Variants in DISC1 observed in about 807,000 individuals in gnomAD.
DISC1 encodes the protein DISC1 scaffold protein.
A neutral mutation model predicts 84.5 loss-of-function variants in DISC1; 57 were observed. The ratio of observed to expected loss-of-function variants is 0.67; its 90% CI spans 0.55 to 0.84. The LOEUF is 0.84. Ranked by LOEUF, DISC1 falls within the 40% of genes least tolerant of loss-of-function variation. The pLI, the probability that DISC1 is intolerant of heterozygous loss-of-function variation, is 0.00. For synonymous variants in DISC1, 411 were observed against 415.2 expected, an observed-to-expected ratio of 0.99 and a Z score of 0.12; for missense variants, 1,000 against 1,057.8, an observed-to-expected ratio of 0.95 and a Z score of 0.76.
At chr1:231,709,285 T>C (rs1347685427) in intron 3 of DISC1, among the ~76,000 whole-genome samples, 5 of 152,208 alleles carry the variant, frequency 3.3e-5, no homozygotes, top group Non-Finnish European at 7.3e-5. Flanking sequence ...AGATTTTAGC[T>C]TTGTGCACAG....
At chr1:231,769,033 T>TG (rs2076366147) in intron 5 of DISC1, among the ~76,000 whole-genome samples, 1 of 152,042 alleles carries the variant, frequency 6.6e-6, no homozygotes, top group Non-Finnish European at 1.5e-5. Flanking sequence ...GGGGAGGATT[T>TG]GGGGAGGAAG....
At chr1:231,766,027 C>T (rs2076145332) in intron 4 of DISC1, among the ~76,000 whole-genome samples, 1 of 152,070 alleles carries the variant, frequency 6.6e-6, no homozygotes, top group African/African-American at 2.4e-5. Flanking sequence ...CGATGACTCA[C>T]ACCTGTAATC....
chr1:231,713,843 TATATATATATATAGGAG>T (rs1304246617), intron 3 of DISC1, among the ~76,000 whole-genome samples: 13 of 126,848 alleles, frequency 1.0e-4, no homozygotes, highest in Middle Eastern at 3.9e-3. Flanking sequence ...ATATAGGAGA[TATATATATATATAGGAG>T]ATATATATAT....
At chr1:231,895,170 T>C (rs926095861) in intron 9 of DISC1, among the ~76,000 whole-genome samples, 2 of 151,904 alleles carry the variant, frequency 1.3e-5, no homozygotes, top group African/African-American at 4.8e-5. Flanking sequence ...TTTTGAATTA[T>C]TGTTATCCCA....
chr1:231,948,469 C>T (rs528552101), intron 9 of DISC1, among the ~76,000 whole-genome samples: 8 of 151,790 alleles, frequency 5.3e-5, no homozygotes, highest in African/African-American at 1.5e-4. Context: ...GTGGGGGGCT[C>T]GGGAAGGGAT....
intron 6 of DISC1, among the ~76,000 whole-genome samples, chr1:231,780,487 A>C (rs1417617035): frequency 1.6e-4 from 24 of 148,314 alleles, no homozygotes; most frequent in African/African-American, 5.5e-4. Flanking sequence ...TTAGAATGGC[A>C]ATCATTAAAA....
At chr1:231,717,995 C>T (rs1476093236) in intron 3 of DISC1, among the ~76,000 whole-genome samples, 2 of 152,178 alleles carry the variant, frequency 1.3e-5, no homozygotes, top group Admixed American at 1.3e-4. Context: ...GCCATATCCC[C>T]TATTACAATG....
At chr1:231,776,546 G>C (rs889428110) in intron 6 of DISC1, among the ~76,000 whole-genome samples, 1 of 152,176 alleles carries the variant, frequency 6.6e-6, no homozygotes, top group Non-Finnish European at 1.5e-5. Context: ...GTGGAGAGGA[G>C]CCAGGCCTTC....
chr1:231,975,606 GA>G (rs1159578696), intron 10 of DISC1, among the ~76,000 whole-genome samples: 1 of 152,118 alleles, frequency 6.6e-6, no homozygotes, highest in African/African-American at 2.4e-5. Context: ...TATACACAAT[GA>G]AATACATAAA....
intron 8 of DISC1, among the ~76,000 whole-genome samples, chr1:231,801,142 G>A (rs2079207589): frequency 6.6e-6 from 1 of 152,120 alleles, no homozygotes; most frequent in Non-Finnish European, 1.5e-5. Context: ...AATGTTGGCA[G>A]CTAAAGAGCA....
At chr1:231,927,354 T>C (rs906800550) in intron 9 of DISC1, among the ~76,000 whole-genome samples, 1 of 152,226 alleles carries the variant, frequency 6.6e-6, no homozygotes, top group African/African-American at 2.4e-5. Context: ...TATTTGTAGA[T>C]TTCTGCATAG....
At chr1:231,781,285 T>C (rs1282410245) in intron 6 of DISC1, among the ~76,000 whole-genome samples, 1 of 1,562 alleles carries the variant, frequency 6.4e-4, no homozygotes, top group Non-Finnish European at 0.038. Context: ...GGATATGTAT[T>C]TTATAATGTA....
chr1:231,649,714 A>C (rs908870525), intron 1 of DISC1, among the ~76,000 whole-genome samples: 2 of 152,100 alleles, frequency 1.3e-5, no homozygotes, highest in Admixed American at 6.6e-5. Context: ...AGATCTCTAA[A>C]GACTTGCTTT....
intron 9 of DISC1, among the ~76,000 whole-genome samples, chr1:231,938,639 C>G (rs531479511): frequency 2.0e-5 from 3 of 152,184 alleles, no homozygotes; most frequent in African/African-American, 7.2e-5. Context: ...GACCTCTGAC[C>G]TACAGAACCA....
At chr1:231,701,820 A>AT in intron 2 of DISC1, 135 bp from the exon 3 acceptor site, 2 of 803,684 alleles carry the variant, frequency 2.5e-6, no homozygotes, top group Non-Finnish European at 3.7e-6. Context: ...AAAAATGTGC[A>AT]TTTTTGTTTT....
At chr1:231,856,048 G>A (rs2084248204) in intron 9 of DISC1, among the ~76,000 whole-genome samples, 1 of 152,230 alleles carries the variant, frequency 6.6e-6, no homozygotes, top group African/African-American at 2.4e-5. Flanking sequence ...TATGCCGAAG[G>A]CTTCAGCAAA....
At chr1:231,715,557 G>A (rs2068579551) in intron 3 of DISC1, among the ~76,000 whole-genome samples, 1 of 152,120 alleles carries the variant, frequency 6.6e-6, no homozygotes, top group African/African-American at 2.4e-5. Flanking sequence ...TATGTGCTGG[G>A]CTCAGGAAAA....
chr1:231,930,140 G>C (rs1034023230), intron 9 of DISC1, among the ~76,000 whole-genome samples: 1 of 152,196 alleles, frequency 6.6e-6, no homozygotes, highest in African/African-American at 2.4e-5. Flanking sequence ...ATTTAATAGA[G>C]AGTTTCAGAA....
At chr1:231,765,663 A>G (rs749527818) in intron 4 of DISC1, among the ~76,000 whole-genome samples, 1 of 152,142 alleles carries the variant, frequency 6.6e-6, no homozygotes, top group Non-Finnish European at 1.5e-5. Context: ...TTCTTTGGTG[A>G]CAAATACCAA....
Sources: allele counts gnomAD v4.1 joint callset (sites outside exome capture counted in the v4.1 genomes callset), GRCh38; gene constraint gnomAD v4.1.1; transcripts MANE v1.5; gene names NCBI Gene and HGNC (gene_info 2026-07-23, HGNC 2026-07-21).